The following CMTR1 variants were observed in gnomAD, a reference collection of about 807,000 sequenced individuals.
CMTR1 encodes the protein cap-specific mRNA (nucleoside-2'-O-)-methyltransferase 1.
In CMTR1, 39 loss-of-function variants were observed where a neutral mutation model predicts 107.0. That is an observed-to-expected ratio of 0.36 (90% CI 0.28 to 0.48). CMTR1 has a LOEUF of 0.48. Ranked by LOEUF, CMTR1 falls within the 20% of genes least tolerant of loss-of-function variation. The probability of loss-of-function intolerance (pLI) is 0.99; values close to 1 mark genes in which losing one functional copy is unlikely to be tolerated. For synonymous variants in CMTR1, 366 were observed against 379.5 expected (o/e 0.96, Z 0.41); for missense variants, 672 against 1,064.9 (o/e 0.63, Z 5.14).
At chr6:37,428,060 G>GAGAA in the CMTR1 span, among the ~76,000 whole-genome samples, 1 of 138,612 alleles carries the variant, frequency 7.2e-6, no homozygotes, top group African/African-American at 2.7e-5. Flanking sequence ...GAGAGAGAGA[G>GAGAA]AAACTCTCTA....
At chr6:37,476,295 T>G (rs1761735537) in intron 20 of CMTR1, 101 bp downstream of exon 20, 1 of 1,238,806 alleles carries the variant, frequency 8.1e-7, no homozygotes, top group Admixed American at 1.7e-5. Context: ...ACTAGGCAAG[T>G]GGGTGTTAGA....
chr6:37,455,134 G>A (rs1430908738), intron 8 of CMTR1, among the ~76,000 whole-genome samples: 2 of 151,980 alleles, frequency 1.3e-5, no homozygotes, highest in African/African-American at 4.8e-5. Flanking sequence ...GCCCAGGCTG[G>A]AGTGCGATGG....
At chr6:37,469,090 G>A (rs752228376) in intron 13 of CMTR1, among the ~76,000 whole-genome samples, 3 of 151,864 alleles carry the variant, frequency 2.0e-5, no homozygotes, top group East Asian at 1.9e-4. Flanking sequence ...AGCCGAGATC[G>A]TGCCACTGCA....
chr6:37,453,722 A>T (rs968410303), intron 8 of CMTR1, among the ~76,000 whole-genome samples: 1 of 152,296 alleles, frequency 6.6e-6, no homozygotes, highest in South Asian at 2.1e-4. Flanking sequence ...TCAGTGTTGT[A>T]TCTGAAAATC....
At chr6:37,477,402 C>T (rs1475637167) in intron 20 of CMTR1, among the ~76,000 whole-genome samples, 190 bp from the exon 21 acceptor site, 2 of 152,188 alleles carry the variant, frequency 1.3e-5, no homozygotes, top group Admixed American at 1.3e-4. Flanking sequence ...AGCTCTGAAA[C>T]CCAGGGCTTG....
At chr6:37,470,301 C>A (rs1761598113) in intron 13 of CMTR1, among the ~76,000 whole-genome samples, 1 of 152,078 alleles carries the variant, frequency 6.6e-6, no homozygotes, top group Admixed American at 6.6e-5. Context: ...CGCCCGCCAC[C>A]ACGCCCGGCT....
rs1581753308 is a variant in CMTR1 at position 37,474,405 on chromosome 6, T to C, written c.1822-119T>C. On this transcript the variant is annotated intron_variant, in intron 17 of 23. Transcript: ENST00000373451. ...ATTTAATCTCTCATAGACATTTTCTTCTGACATTTCCCAGTCCCATCAGTT... is the reference window on the plus strand; with the variant it reads ...ATTTAATCTCTCATAGACATTTTCTCCTGACATTTCCCAGTCCCATCAGTT... 7.7e-6 allele frequency: 9 copies of C among 1,170,258 alleles called. No individual in the cohort carries two copies. The East Asian group carries it at 2.2e-4, about 28-fold the overall frequency. 72.5% of individuals were successfully genotyped at this position (1,170,258 alleles called of 1,614,324 possible).
At position 37,458,941 on chromosome 6, in the gene CMTR1, A is replaced by G. The variant is rs1276719157; in HGVS notation, c.976+131A>G. ...TCTCTTACCCTGGGCTTCACAGTTC[A>G]TGTCAGAATCTTGGTTCCCTCTGGA... is the stretch of plus-strand genomic sequence containing the variant. On this transcript the variant is annotated intron_variant, in intron 9 of 23. Coordinates refer to ENST00000373451, the MANE Select transcript of CMTR1 (RefSeq NM_015050.3). This position sits in a 1 kb window ranked among gnomAD's most constrained non-coding sequence, Gnocchi z 4.7. 1.2e-6 allele frequency: 1 copy of G among 816,626 alleles called. No individual in the cohort carries two copies. The highest frequency in any genetic ancestry group is 1.7e-5 in the African/African-American group (1 of 57,966). The allele number at this position is 816,626 out of a possible 1,614,324, so 50.6% of individuals were successfully genotyped here.
chr6:37,444,581 T>C (rs2113867472), intron 3 of CMTR1, among the ~76,000 whole-genome samples: 1 of 152,342 alleles, frequency 6.6e-6, no homozygotes, highest in East Asian at 1.9e-4. Context: ...TTTATTCTTT[T>C]TCTGAAAGAA....
intron 13 of CMTR1, among the ~76,000 whole-genome samples, chr6:37,468,531 C>G (rs1761555583): frequency 6.6e-6 from 1 of 152,204 alleles, no homozygotes; most frequent in African/African-American, 2.4e-5. Flanking sequence ...AGAATTTCTT[C>G]TAGCCTGTCT....
intron 13 of CMTR1, among the ~76,000 whole-genome samples, chr6:37,465,413 T>C (rs920528202): frequency 2.6e-5 from 4 of 152,232 alleles, no homozygotes; most frequent in Non-Finnish European, 5.9e-5. Context: ...TTTGGTGCAA[T>C]GTAGTGTTAC....
Position 37,446,425 on chromosome 6 carries a change from C to T in CMTR1, c.420C>T (p.Asn140=), listed in dbSNP as rs778160352. The change falls in exon 4 of 24, where the codon AAC becomes AAT. Residue 140 remains asparagine (N), a synonymous_variant. Transcript: ENST00000373451. ...TCCGGGGCTTTGACCAGGAGCTGAA[C>T]GTGGACTGGCGAGATGAGCCAGAGG... ...LTLRGFDQEL[N]VDWRDEPEPS... The T allele has an allele frequency of 4.3e-6, 7 of 1,613,586 alleles. No homozygotes were observed. Among genetic ancestry groups the T allele is most frequent in the African/African-American group, 1.3e-5 (1 of 75,014 alleles).
chr6:37,480,429 G>A lies in CMTR1; in HGVS notation c.*284G>A. 8.0e-7 allele frequency: 1 copy of A among 1,253,054 alleles called. No homozygotes were observed. Among genetic ancestry groups the A allele is most frequent in the Admixed American group, 4.5e-5 (1 of 22,458 alleles). The allele number at this position is 1,253,054 out of a possible 1,614,324, so 77.6% of individuals were successfully genotyped here. Reference sequence around the variant, plus strand: ...GGCAGGTATGAGGTCAGTGCCTAGGGCACGTGGGACTGATGGAGGACATAT... The same window carrying A: ...GGCAGGTATGAGGTCAGTGCCTAGGACACGTGGGACTGATGGAGGACATAT... On this transcript the variant is annotated 3_prime_UTR_variant, in exon 24 of 24. Coordinates refer to ENST00000373451, the MANE Select transcript of CMTR1 (RefSeq NM_015050.3).
upstream of CMTR1, among the ~76,000 whole-genome samples, chr6:37,431,385 C>T (rs1231263132): frequency 6.6e-6 from 1 of 152,198 alleles, no homozygotes; most frequent in Non-Finnish European, 1.5e-5. Flanking sequence ...ACATAGAGAA[C>T]TAGGTAAATA....
At chr6:37,427,727 G>A in the CMTR1 span, among the ~76,000 whole-genome samples, 1 of 151,986 alleles carries the variant, frequency 6.6e-6, no homozygotes, top group East Asian at 1.9e-4. The surrounding 1 kb of genome is among the most constrained non-coding windows in gnomAD (Gnocchi z 4.4). Context: ...TTTCTTTTCA[G>A]GCTGAATAAC....
chr6:37,437,420 G>A (rs939418884), intron 2 of CMTR1, among the ~76,000 whole-genome samples: 1 of 151,436 alleles, frequency 6.6e-6, no homozygotes, highest in Admixed American at 6.6e-5. Flanking sequence ...CCAGCTACTC[G>A]GGAGGCTGAG....
At chr6:37,466,837 G>GTA (rs1276986877) in intron 13 of CMTR1, among the ~76,000 whole-genome samples, 21 of 151,972 alleles carry the variant, frequency 1.4e-4, no homozygotes, top group African/African-American at 3.1e-4. Context: ...GCACATACGT[G>GTA]TATATATATA....
intron 6 of CMTR1, among the ~76,000 whole-genome samples, chr6:37,452,386 C>G: frequency 6.6e-6 from 1 of 152,092 alleles, no homozygotes; most frequent in East Asian, 1.9e-4. Context: ...CACTTTTTGT[C>G]TTAATTGAGA....
intron 23 of CMTR1, among the ~76,000 whole-genome samples, chr6:37,479,644 C>T (rs1465125746): frequency 2.0e-5 from 3 of 152,206 alleles, no homozygotes; most frequent in East Asian, 3.8e-4. Context: ...CATTAGGACC[C>T]GGTGTCCATT....
Sources: gnomAD v4.1 joint callset for allele counts (sites outside exome capture counted in the v4.1 genomes callset) on GRCh38, gnomAD v4.1.1 for gene constraint, Gnocchi (gnomAD v3.1) non-coding constraint, MANE v1.5 for transcripts, NCBI Gene and HGNC (gene_info 2026-07-23, HGNC 2026-07-21) for gene names.